The following GABRG3 variants were observed in gnomAD, a reference collection of about 807,000 sequenced individuals.
The protein encoded by GABRG3 is gamma-aminobutyric acid type A receptor subunit gamma3.
In GABRG3, 25 loss-of-function variants were observed where a neutral mutation model predicts 48.8. That is an observed-to-expected ratio of 0.51 (90% CI 0.37 to 0.72). GABRG3 has a LOEUF of 0.72. Among genes scored for constraint, GABRG3 ranks in the 30% least tolerant of loss-of-function variants. GABRG3 has a pLI of 0.00. For synonymous variants in GABRG3, 227 were observed against 217.6 expected (o/e 1.04, Z -0.38); for missense variants, 394 against 577.9 (o/e 0.68, Z 3.26).
At chr15:26,989,519 T>C (rs1481118456) in intron 2 of GABRG3, among the ~76,000 whole-genome samples, 1 of 152,200 alleles carries the variant, frequency 6.6e-6, no homozygotes, top group Non-Finnish European at 1.5e-5. Flanking sequence ...TAGTAGGTAT[T>C]TATGCTTATG....
At chr15:26,987,800 T>C (rs922427070) in intron 2 of GABRG3, among the ~76,000 whole-genome samples, 20 of 152,244 alleles carry the variant, frequency 1.3e-4, no homozygotes, top group African/African-American at 4.8e-4. Context: ...TCATATTTAG[T>C]GTCATTAATT....
chr15:26,985,977 C>T (rs1259950104), intron 2 of GABRG3, among the ~76,000 whole-genome samples: 1 of 152,074 alleles, frequency 6.6e-6, no homozygotes, highest in Non-Finnish European at 1.5e-5. Flanking sequence ...TCCCTCGATC[C>T]ACTGTGTCCT....
At chr15:27,313,254 GTGTGTGTGTATATATA>G (rs1369459315) in intron 3 of GABRG3, among the ~76,000 whole-genome samples, 46 of 62,554 alleles carry the variant, frequency 7.4e-4, no homozygotes, top group East Asian at 5.0e-3. Context: ...GTGTGTGTGT[GTGTGTGTGTATATATA>G]TATATATATA....
chr15:27,073,165 T>C (rs1864798), intron 3 of GABRG3, among the ~76,000 whole-genome samples: 31,410 of 152,128 alleles, frequency 0.21, 3,404 homozygotes, highest in Middle Eastern at 0.27. Context: ...CAGAATCCTC[T>C]CTAGAAACTC....
chr15:27,005,901 G>C (rs1397859804), intron 2 of GABRG3, among the ~76,000 whole-genome samples: 1 of 152,136 alleles, frequency 6.6e-6, no homozygotes, highest in African/African-American at 2.4e-5. Context: ...TTGTCCAAAG[G>C]ATGCAAACTT....
At chr15:27,079,159 G>A (rs138097528) in intron 3 of GABRG3, among the ~76,000 whole-genome samples, 7 of 152,200 alleles carry the variant, frequency 4.6e-5, no homozygotes, top group Admixed American at 1.3e-4. Context: ...AGGCATGGTC[G>A]GGTGTGAGCA....
chr15:27,147,634 C>A (rs1898233726), intron 3 of GABRG3, among the ~76,000 whole-genome samples: 2 of 151,748 alleles, frequency 1.3e-5, no homozygotes, highest in Non-Finnish European at 2.9e-5. Context: ...ATTTCCCATT[C>A]AAAATGGAAT....
chr15:27,366,868 T>C (rs1459999804), intron 5 of GABRG3, among the ~76,000 whole-genome samples: 1 of 152,226 alleles, frequency 6.6e-6, no homozygotes, highest in Non-Finnish European at 1.5e-5. Context: ...TCACTGTTTC[T>C]GTGCATCCCT....
intron 3 of GABRG3, among the ~76,000 whole-genome samples, chr15:27,322,682 A>G (rs1188106142): frequency 6.6e-6 from 1 of 152,152 alleles, no homozygotes; most frequent in Non-Finnish European, 1.5e-5. Flanking sequence ...AAGGTAAATG[A>G]TGTCGCACAG....
intron 3 of GABRG3, among the ~76,000 whole-genome samples, chr15:27,219,270 G>A (rs904491375): frequency 5.9e-5 from 9 of 152,140 alleles, no homozygotes; most frequent in African/African-American, 1.7e-4. Context: ...GCCTCAGGGC[G>A]GGCTGGCCTT....
At chr15:27,366,475 C>G (rs1046646878) in intron 5 of GABRG3, 1 of 152,180 alleles carries the variant, frequency 6.6e-6, no homozygotes, top group Non-Finnish European at 1.5e-5. Flanking sequence ...AGGAACAGGC[C>G]TTTGATCGCC....
chr15:26,981,759 TCTC>T (rs1895059225), intron 2 of GABRG3, among the ~76,000 whole-genome samples: 1 of 152,102 alleles, frequency 6.6e-6, no homozygotes, highest in Admixed American at 6.5e-5. Flanking sequence ...GCTTGCTTCT[TCTC>T]CTTCAGGAGG....
chr15:27,307,418 A>ACC, intron 3 of GABRG3, among the ~76,000 whole-genome samples: 1 of 87,896 alleles, frequency 1.1e-5, no homozygotes, highest in African/African-American at 3.6e-5. Flanking sequence ...TTTATATATA[A>ACC]ACATATAGGT....
At position 27,300,844 on chromosome 15, in the gene GABRG3, G is replaced by A. The variant is rs568267675; in HGVS notation, c.271-25965G>A. The stretch of plus-strand genomic sequence containing the variant: ...ATGCTGGGCACGGTGGCTCACGCCT[G>A]TAATCCCAGCTACTGGGGAGACTGA... On this transcript the variant is annotated intron_variant, in intron 3 of 9. Transcript: ENST00000615808. Among the ~76,000 whole-genome samples, 29 of 152,252 alleles carry A rather than the reference G, an allele frequency of 1.9e-4. No individual in the cohort carries two copies. The South Asian group carries it at 6.0e-3, about 32-fold the overall frequency.
intron 5 of GABRG3, among the ~76,000 whole-genome samples, chr15:27,331,667 T>A (rs370795073): frequency 6.6e-6 from 1 of 152,218 alleles, no homozygotes; most frequent in East Asian, 1.9e-4. Flanking sequence ...ACCCATAGAA[T>A]GTACAACACT....
Position 27,527,739 on chromosome 15 carries a change from A to C in GABRG3, c.1062+110A>C. 4 of 1,154,232 alleles carry C rather than the reference A, an allele frequency of 3.5e-6. No individual in the cohort carries two copies. In the South Asian group the frequency reaches 5.9e-5, roughly 17 times the overall value. 71.5% of individuals were successfully genotyped at this position (1,154,232 alleles called of 1,614,324 possible). A position where few individuals can be genotyped will look rare whatever the true frequency, so the allele number is the denominator to read the frequency against. ...AAGGATCGTACAAAGCATGATACAA[A>C]TACCCAGTTCAACAAGACTTTTCAA... On this transcript the variant is annotated intron_variant, in intron 8 of 9. Transcript: ENST00000615808.
At chr15:27,226,621 C>T (rs985935664) in intron 3 of GABRG3, among the ~76,000 whole-genome samples, 7 of 152,238 alleles carry the variant, frequency 4.6e-5, no homozygotes, top group East Asian at 3.9e-4. Flanking sequence ...GAGGAGCCAC[C>T]GGTGCTTCCC....
rs1451030791 is a variant in GABRG3, at chr15:27,457,533, C to T, written c.575-23117C>T. On this transcript the variant is annotated intron_variant, in intron 5 of 9. Transcript: ENST00000615808. The surrounding 1 kb of genome is among the most constrained non-coding windows in gnomAD (Gnocchi z 4.4). ...TGGGCTTTAAATGAAGAGCTTCACA[C>T]TTGGCAGAGGAGGACCTGCGATTAG... 1.3e-5 allele frequency among the ~76,000 whole-genome samples: 2 copies of T among 152,184 alleles called. No individual in the cohort carries two copies. The highest frequency in any genetic ancestry group is 2.4e-5 in the African/African-American group (1 of 41,454).
At chr15:27,207,582 T>C (rs558694389) in intron 3 of GABRG3, among the ~76,000 whole-genome samples, 37 of 152,286 alleles carry the variant, frequency 2.4e-4, no homozygotes, top group African/African-American at 8.9e-4. Context: ...GGATTGTCAG[T>C]GGACAAGCTT....
Sources: allele counts gnomAD v4.1 joint callset (sites outside exome capture counted in the v4.1 genomes callset), GRCh38; gene constraint gnomAD v4.1.1; non-coding constraint Gnocchi (gnomAD v3.1); transcripts MANE v1.5; gene names NCBI Gene and HGNC (gene_info 2026-07-23, HGNC 2026-07-21).